Variants in PLCG2 observed in about 807,000 individuals in gnomAD.
PLCG2 encodes phospholipase C gamma 2, also known as 1-phosphatidylinositol 4,5-bisphosphate phosphodiesterase gamma-2.
In PLCG2, 69 loss-of-function variants were observed where a neutral mutation model predicts 175.6. That is an observed-to-expected ratio of 0.39 (90% CI 0.32 to 0.48). The LOEUF (loss-of-function observed/expected upper bound fraction) is 0.48. Ranked by LOEUF, PLCG2 falls within the 20% of genes least tolerant of loss-of-function variation. The pLI is 0.91. For synonymous variants in PLCG2, 827 were observed against 624.0 expected (o/e 1.33, Z -4.85); for missense variants, 1,798 against 1,650.9 (o/e 1.09, Z -1.54).
At chr16:81,770,957 C>A (rs1191957082) in intron 2 of PLCG2, among the ~76,000 whole-genome samples, 1 of 151,576 alleles carries the variant, frequency 6.6e-6, no homozygotes, top group Non-Finnish European at 1.5e-5. Flanking sequence ...ACTCGGGAGG[C>A]TGAGGCAGGA....
chr16:81,806,119 C>G (rs956191002), intron 2 of PLCG2, among the ~76,000 whole-genome samples: 1 of 147,366 alleles, frequency 6.8e-6, no homozygotes, highest in Non-Finnish European at 1.5e-5. Flanking sequence ...TCTTCAAAAT[C>G]CAGTGTGTGT....
chr16:81,873,818 C>T (rs1038502133), intron 7 of PLCG2, among the ~76,000 whole-genome samples: 2 of 152,152 alleles, frequency 1.3e-5, no homozygotes, highest in African/African-American at 2.4e-5. Context: ...AAAGCTGTTT[C>T]ACCTGCTACC....
chr16:81,927,202 T>C (rs2143701889), intron 23 of PLCG2, 24 bp downstream of exon 23: 1 of 1,517,022 alleles, frequency 6.6e-7, no homozygotes, highest in Non-Finnish European at 9.2e-7. Flanking sequence ...TTCGATCCTC[T>C]TACAGGAAGA....
Position 81,957,486 on chromosome 16 carries a change from C to T in PLCG2, c.3756-470C>T, listed in dbSNP as rs543238337. ...GATGACCACTGACTTTTAAGGAGTA[C>T]TTATTGTGTTTCCAAGAATGGGCTA... On this transcript the variant is annotated intron_variant, in intron 32 of 32. Coordinates refer to ENST00000564138, the MANE Select transcript of PLCG2 (RefSeq NM_002661.5). 3.3e-5 allele frequency among the ~76,000 whole-genome samples: 5 copies of T among 152,220 alleles called. No individual in the cohort carries two copies. In the South Asian group the frequency reaches 8.3e-4, roughly 25 times the overall value.
At chr16:81,888,555 C>T (rs1908483395) in intron 9 of PLCG2, among the ~76,000 whole-genome samples, 1 of 152,282 alleles carries the variant, frequency 6.6e-6, no homozygotes, top group Admixed American at 6.5e-5. Context: ...AGATTTTATA[C>T]AATGCTTCAT....
intron 1 of PLCG2, among the ~76,000 whole-genome samples, chr16:81,746,619 G>C (rs1909712788): frequency 6.6e-6 from 1 of 152,228 alleles, no homozygotes; most frequent in South Asian, 2.1e-4. Flanking sequence ...AGGAGGCAGA[G>C]AATAAGAGCA....
At chr16:81,797,852 G>A (rs1240392849) in intron 2 of PLCG2, among the ~76,000 whole-genome samples, 1 of 146,880 alleles carries the variant, frequency 6.8e-6, no homozygotes, top group Admixed American at 6.8e-5. Context: ...TTTTTTTTGA[G>A]ATGGAGTCTC....
chr16:81,940,173 TA>T (rs375944738), intron 30 of PLCG2, 114 bp downstream of exon 30: 14 of 906,062 alleles, frequency 1.5e-5, no homozygotes, highest in African/African-American at 1.5e-4. Context: ...GGAATCACTG[TA>T]AAACCGATTG....
intron 2 of PLCG2, among the ~76,000 whole-genome samples, chr16:81,793,443 T>G (rs2143209530): frequency 6.6e-6 from 1 of 152,334 alleles, no homozygotes; most frequent in South Asian, 2.1e-4. Flanking sequence ...TGGTGCCACC[T>G]GTTTGTGGGT....
intron 2 of PLCG2, among the ~76,000 whole-genome samples, chr16:81,830,840 G>T (rs1489308833): frequency 1.3e-5 from 2 of 151,974 alleles, no homozygotes; most frequent in African/African-American, 4.8e-5. Context: ...GCTTCTGGAT[G>T]ACTGAGGGTA....
At chr16:81,901,946 G>T (rs552285788) in intron 14 of PLCG2, among the ~76,000 whole-genome samples, 6 of 152,320 alleles carry the variant, frequency 3.9e-5, no homozygotes, top group African/African-American at 1.4e-4. Context: ...GCTTTCCCCA[G>T]ATTTTGAAGG....
At chr16:81,901,593 A>G (rs1459202400) in intron 14 of PLCG2, among the ~76,000 whole-genome samples, 2 of 152,212 alleles carry the variant, frequency 1.3e-5, no homozygotes, top group East Asian at 3.8e-4. Context: ...ACAGAAAAAA[A>G]ATTACATCTT....
chr16:81,747,991 C>T (rs1272563321), intron 1 of PLCG2, among the ~76,000 whole-genome samples: 4 of 152,090 alleles, frequency 2.6e-5, no homozygotes, highest in Non-Finnish European at 5.9e-5. Context: ...TCTCCTGCCT[C>T]GGCCTCCCAA....
chr16:81,797,009 T>A (rs1023565225), intron 2 of PLCG2, among the ~76,000 whole-genome samples: 9 of 152,228 alleles, frequency 5.9e-5, no homozygotes, highest in Non-Finnish European at 1.3e-4. Flanking sequence ...TTGTGGTTTG[T>A]CATAACGGAA....
At chr16:81,919,432 T>C (rs1310573345) in intron 19 of PLCG2, 52 bp from the exon 20 acceptor site, 5 of 1,470,634 alleles carry the variant, frequency 3.4e-6, no homozygotes, top group Non-Finnish European at 4.7e-6. Flanking sequence ...GTGTAAAAAT[T>C]GTTTGGCCAC....
chr16:81,863,583 C>G (rs897025005), intron 5 of PLCG2, among the ~76,000 whole-genome samples: 2 of 152,170 alleles, frequency 1.3e-5, no homozygotes, highest in Non-Finnish European at 2.9e-5. Context: ...ATTGCTGGAT[C>G]AGTTGCTGGA....
chr16:81,783,068 C>G (rs190496363), intron 1 of PLCG2: 1 of 460,226 alleles, frequency 2.2e-6, no homozygotes, highest in African/African-American at 2.0e-5. Context: ...AAGTCCAAGG[C>G]CCTCCCAGAG....
At chr16:81,925,147 CTCTTG>C (rs1479014078) in intron 22 of PLCG2, among the ~76,000 whole-genome samples, 8 of 152,352 alleles carry the variant, frequency 5.3e-5, no homozygotes, top group African/African-American at 1.7e-4. Flanking sequence ...ATTTCGAAGG[CTCTTG>C]TCTTAAGAGA....
chr16:81,751,062 C>G (rs891869013), intron 1 of PLCG2, among the ~76,000 whole-genome samples: 3 of 146,598 alleles, frequency 2.0e-5, no homozygotes, highest in Non-Finnish European at 4.5e-5. Context: ...CTCACTACAA[C>G]CTCCACCTCC....
Sources: gnomAD v4.1 joint callset for allele counts (sites outside exome capture counted in the v4.1 genomes callset) on GRCh38, gnomAD v4.1.1 for gene constraint, MANE v1.5 for transcripts, NCBI Gene and HGNC (gene_info 2026-07-23, HGNC 2026-07-21) for gene names.